Variants in DNER observed in about 807,000 individuals in gnomAD.
DNER encodes delta/notch like EGF repeat containing, also known as delta and Notch-like epidermal growth factor-related receptor.
Under a neutral mutation model 78.2 loss-of-function variants are expected in DNER, and 33 were observed. The observed-to-expected ratio is 0.42, with a 90% CI of 0.32 to 0.56. The LOEUF is 0.56. Ranked by LOEUF, DNER falls within the 20% of genes least tolerant of loss-of-function variation. The probability of loss-of-function intolerance (pLI) is 0.11; values close to 1 mark genes in which losing one functional copy is unlikely to be tolerated. For missense variants in DNER, 918 were observed against 975.3 expected (o/e 0.94, Z 0.78); for synonymous variants, 417 against 384.8 (o/e 1.08, Z -0.98).
intron 8 of DNER, among the ~76,000 whole-genome samples, chr2:229,418,970 G>C (rs1341822119): frequency 1.3e-5 from 2 of 151,766 alleles, no homozygotes; most frequent in African/African-American, 4.8e-5. Context: ...CATTAGAAAA[G>C]TATATCTGTA....
intron 11 of DNER, among the ~76,000 whole-genome samples, chr2:229,367,652 A>C (rs1692381152): frequency 6.6e-6 from 1 of 152,174 alleles, no homozygotes; most frequent in African/African-American, 2.4e-5. Flanking sequence ...GGATATAAGG[A>C]GGAATTCATC....
In DNER at chr2:229,705,819, C is replaced by T. The variant is rs116058456; in HGVS notation, c.276+8329G>A. On this transcript the variant is annotated intron_variant, in intron 1 of 12. Coordinates refer to ENST00000341772, the MANE Select transcript of DNER (RefSeq NM_139072.4). ...ACCATCCTGTCAATGATTGAGGAAA[C>T]GGGGTTTAGGAAAGCTGATAAGCCT... is the stretch of plus-strand genomic sequence containing the variant. Among the ~76,000 whole-genome samples the T allele has an allele frequency of 9.5e-3, 1,444 of 152,266 alleles. 26 individuals carry two copies. Among genetic ancestry groups the T allele is most frequent in the African/African-American group, 0.033 (1,369 of 41,548 alleles).
intron 1 of DNER, among the ~76,000 whole-genome samples, chr2:229,620,820 T>C (rs1369656023): frequency 1.3e-5 from 2 of 152,120 alleles, no homozygotes; most frequent in Non-Finnish European, 2.9e-5. Context: ...GGGGTCCTGG[T>C]CCAACAGGAC....
At chr2:229,609,450 C>T (rs937667981) in intron 1 of DNER, among the ~76,000 whole-genome samples, 1 of 152,116 alleles carries the variant, frequency 6.6e-6, no homozygotes, top group Non-Finnish European at 1.5e-5. Flanking sequence ...CGATAAGATT[C>T]AAGTTTCAGT....
At chr2:229,581,670 T>G (rs370683224) in intron 4 of DNER, among the ~76,000 whole-genome samples, 1 of 152,128 alleles carries the variant, frequency 6.6e-6, no homozygotes, top group Non-Finnish European at 1.5e-5. Flanking sequence ...CATAAAGAAA[T>G]GAACTGTAGT....
chr2:229,547,579 C>T (rs1234380037), intron 4 of DNER, among the ~76,000 whole-genome samples: 1 of 152,204 alleles, frequency 6.6e-6, no homozygotes, highest in Non-Finnish European at 1.5e-5. Context: ...CCAGTTATCA[C>T]CTGCCCTAGT....
intron 1 of DNER, among the ~76,000 whole-genome samples, chr2:229,711,185 T>C (rs1574580413): frequency 6.6e-6 from 1 of 152,032 alleles, no homozygotes; most frequent in African/African-American, 2.4e-5. Context: ...GGAGTTTGCA[T>C]GGTTTGAACC....
At chr2:229,473,788 C>G (rs553349000) in intron 7 of DNER, among the ~76,000 whole-genome samples, 2 of 152,148 alleles carry the variant, frequency 1.3e-5, no homozygotes, top group Non-Finnish European at 2.9e-5. Context: ...GAAAAGGAGG[C>G]AGGCAAGGGT....
At chr2:229,517,224 C>T (rs1434197199) in intron 5 of DNER, among the ~76,000 whole-genome samples, 1 of 151,974 alleles carries the variant, frequency 6.6e-6, no homozygotes, top group African/African-American at 2.4e-5. Flanking sequence ...TAAGCATATA[C>T]TATGTGCCAG....
intron 4 of DNER, among the ~76,000 whole-genome samples, chr2:229,563,790 T>C (rs1574904899): frequency 2.1e-5 from 2 of 97,452 alleles, no homozygotes; most frequent in African/African-American, 8.1e-5. Context: ...ATCAACATCA[T>C]CACCCCATCA....
intron 7 of DNER, among the ~76,000 whole-genome samples, chr2:229,459,734 C>T (rs983130672): frequency 3.3e-5 from 5 of 151,916 alleles, no homozygotes; most frequent in African/African-American, 9.7e-5. Flanking sequence ...TCGAAAACGC[C>T]GTGCTAGCAT....
At chr2:229,713,631 G>A (rs1699942516) in intron 1 of DNER, among the ~76,000 whole-genome samples, 1 of 152,242 alleles carries the variant, frequency 6.6e-6, no homozygotes, top group Admixed American at 6.5e-5. Context: ...CCTCAAGGGC[G>A]TAGGAAGAGA....
At chr2:229,568,101 A>AATATCAAGTATATC (rs1332791961) in intron 4 of DNER, among the ~76,000 whole-genome samples, 3,346 of 152,330 alleles carry the variant, frequency 0.022, 137 homozygotes, top group African/African-American at 0.076. Flanking sequence ...TATTCCAAAG[A>AATATCAAGTATATC]AAGAAAAAAT....
rs1044249087 is a variant in DNER, at chr2:229,366,723, G to A, written c.2102+150C>T. ...AAAGGAGTTTGCTTATCAAGTGGTC[G>A]AATGATCTATCCCCAAATACAATGT... On this transcript the variant is annotated intron_variant, in intron 12 of 12. Transcript: ENST00000341772. 110 of 1,248,002 alleles carry A rather than the reference G, an allele frequency of 8.8e-5. 3 individuals carry two copies. Among genetic ancestry groups the A allele is most frequent in the East Asian group, 9.6e-5 (4 of 41,776 alleles). The allele number at this position is 1,248,002 out of a possible 1,614,324, so 77.3% of individuals were successfully genotyped here. A position where few individuals can be genotyped will look rare whatever the true frequency, so the allele number is the denominator to read the frequency against.
intron 11 of DNER, among the ~76,000 whole-genome samples, chr2:229,376,045 T>G (rs1375384238): frequency 6.6e-6 from 1 of 152,206 alleles, no homozygotes; most frequent in Non-Finnish European, 1.5e-5. Context: ...AGAAGGTGAC[T>G]TGCTTCCCCT....
intron 1 of DNER, among the ~76,000 whole-genome samples, chr2:229,698,238 A>G (rs1699690173): frequency 6.6e-6 from 1 of 152,088 alleles, no homozygotes; most frequent in Non-Finnish European, 1.5e-5. Context: ...AAAGAAAAAA[A>G]ATGTGGAAGG....
chr2:229,368,878 A>G (rs1311848009), intron 11 of DNER, among the ~76,000 whole-genome samples: 2 of 152,170 alleles, frequency 1.3e-5, no homozygotes, highest in African/African-American at 4.8e-5. Flanking sequence ...AAAAATGATT[A>G]TTTTCCTCTG....
intron 8 of DNER, among the ~76,000 whole-genome samples, chr2:229,425,463 A>G (rs995617370): frequency 6.6e-6 from 1 of 152,090 alleles, no homozygotes; most frequent in Admixed American, 6.5e-5. Context: ...ATTCCAGCCC[A>G]CAGACCCTGA....
At position 229,646,906 on chromosome 2, in the gene DNER, C is replaced by T. The variant is rs146077503; in HGVS notation, c.277-55018G>A. On this transcript the variant is annotated intron_variant, in intron 1 of 12. Coordinates refer to ENST00000341772, the MANE Select transcript of DNER (RefSeq NM_139072.4). ...CAGAGTGGCCAGGCATGGTGGCTCA[C>T]ACCTGTAATCCCAGCACTTTGGGAG... Among the ~76,000 whole-genome samples, 774 of 152,366 alleles carry T rather than the reference C, an allele frequency of 5.1e-3. 6 individuals carry two copies. The highest frequency in any genetic ancestry group is 0.018 in the African/African-American group (741 of 41,596).
Sources: gnomAD v4.1 joint callset for allele counts (sites outside exome capture counted in the v4.1 genomes callset) on GRCh38, gnomAD v4.1.1 for gene constraint, MANE v1.5 for transcripts, NCBI Gene and HGNC (gene_info 2026-07-23, HGNC 2026-07-21) for gene names.